The following GRIA4 variants were observed in gnomAD, a reference collection of about 807,000 sequenced individuals.
GRIA4 encodes glutamate receptor 4.
GRIA4 carries 34 observed loss-of-function variants against 104.0 expected under a neutral mutation model. That is an observed-to-expected ratio of 0.33 (90% CI 0.25 to 0.44). The LOEUF (loss-of-function observed/expected upper bound fraction) is 0.44, where lower values mean the gene tolerates loss of function less well. Ranked by LOEUF, GRIA4 falls within the 20% of genes least tolerant of loss-of-function variation. The probability of loss-of-function intolerance (pLI) is 1.00; values close to 1 mark genes in which losing one functional copy is unlikely to be tolerated. For synonymous variants in GRIA4, 386 were observed against 381.9 expected (o/e 1.01, Z -0.13); for missense variants, 750 against 1,096.5 (o/e 0.68, Z 4.46).
chr11:105,618,838 G>A (rs1381878821), intron 3 of GRIA4, among the ~76,000 whole-genome samples: 1 of 151,758 alleles, frequency 6.6e-6, no homozygotes, highest in African/African-American at 2.4e-5. Flanking sequence ...AATGTTTGAG[G>A]GGAAGAGAGA....
At chr11:105,852,381 A>G (rs1020570262) in intron 4 of GRIA4, among the ~76,000 whole-genome samples, 1 of 152,212 alleles carries the variant, frequency 6.6e-6, no homozygotes. Context: ...ATTTACAGCT[A>G]TAGAAAAGAT....
intron 3 of GRIA4, among the ~76,000 whole-genome samples, chr11:105,744,509 T>C (rs1939522424): frequency 6.6e-6 from 1 of 152,160 alleles, no homozygotes; most frequent in Admixed American, 6.5e-5. Flanking sequence ...ACTTGAAGTA[T>C]CATAGTAGTA....
In GRIA4 at chr11:105,911,735, CTAACT is replaced by C. The variant is rs539510696; in HGVS notation, c.1269+1194_1269+1198del. On this transcript the variant is annotated intron_variant, in intron 10 of 16. Transcript: ENST00000282499. The stretch of plus-strand genomic sequence containing the variant: ...CAACAGCAGTTTTTGCGTAAACTTT[CTAACT>C]TAATTGTGTAATATTTGCATGGGAC... 1.8e-3 allele frequency: 288 copies of C among 159,834 alleles called. 2 individuals are homozygous for C. The highest frequency in any genetic ancestry group is 0.014 in the Middle Eastern group (5 of 360). 9.9% of individuals were successfully genotyped at this position (159,834 alleles called of 1,614,324 possible). A position where few individuals can be genotyped will look rare whatever the true frequency, so the allele number is the denominator to read the frequency against.
Position 105,684,788 on chromosome 11 carries a change from C to T in GRIA4, c.248-68193C>T, listed in dbSNP as rs549313686. Among the ~76,000 whole-genome samples, 13 of 151,638 alleles carry T rather than the reference C, an allele frequency of 8.6e-5. No individual in the cohort carries two copies. The East Asian group carries it at 1.2e-3, about 14-fold the overall frequency. ...GAATTGTTAATACTGTTTAAATTGA[C>T]GTATCAGTATTTTTAATGCCCTAGA... is the stretch of plus-strand genomic sequence containing the variant. On this transcript the variant is annotated intron_variant, in intron 3 of 16. Transcript: ENST00000282499.
At chr11:105,923,416 C>T (rs550120860) in intron 11 of GRIA4, among the ~76,000 whole-genome samples, 10 of 152,152 alleles carry the variant, frequency 6.6e-5, no homozygotes, top group African/African-American at 1.9e-4. Flanking sequence ...ATGTGAATCT[C>T]CCTTCTCTGA....
At chr11:105,756,429 C>T (rs907334571) in intron 4 of GRIA4, among the ~76,000 whole-genome samples, 9 of 152,042 alleles carry the variant, frequency 5.9e-5, no homozygotes, top group African/African-American at 1.9e-4. Flanking sequence ...CACAAATGTA[C>T]CATTGATTTG....
intron 4 of GRIA4, among the ~76,000 whole-genome samples, chr11:105,805,677 T>G (rs1224350003): frequency 6.6e-6 from 1 of 151,906 alleles, no homozygotes; most frequent in Non-Finnish European, 1.5e-5. Context: ...TCCCTCTGGC[T>G]CTGGACTTTC....
intron 3 of GRIA4, among the ~76,000 whole-genome samples, chr11:105,712,517 G>C (rs1953946849): frequency 6.6e-6 from 1 of 151,898 alleles, no homozygotes; most frequent in African/African-American, 2.4e-5. Context: ...TAATGAAAAA[G>C]TTTCCCCAAA....
intron 4 of GRIA4, among the ~76,000 whole-genome samples, chr11:105,814,088 T>C (rs1004625758): frequency 6.6e-6 from 1 of 152,166 alleles, no homozygotes; most frequent in Non-Finnish European, 1.5e-5. Context: ...CTTGATGTGT[T>C]GCAAAATGAG....
chr11:105,667,299 G>T lies in GRIA4; in HGVS notation c.247+54865G>T, dbSNP rs989358092. On this transcript the variant is annotated intron_variant, in intron 3 of 16. Coordinates refer to ENST00000282499, the MANE Select transcript of GRIA4 (RefSeq NM_000829.4). Reference sequence around the variant, plus strand: ...ATAACTTACTATGGTGATAAACACAGTAAGAGATGATAACTAAAAAAGTTA... The same window carrying T: ...ATAACTTACTATGGTGATAAACACATTAAGAGATGATAACTAAAAAAGTTA... 7.2e-5 allele frequency among the ~76,000 whole-genome samples: 11 copies of T among 152,010 alleles called. No individual in the cohort carries two copies. The East Asian group carries it at 1.7e-3, about 24-fold the overall frequency.
chr11:105,753,148 C>A lies in GRIA4; in HGVS notation c.415C>A (p.Arg139=), dbSNP rs374264327. ...TGTGCTGCAACTAAGACCTTCGTTA[C>A]GAGGAGCACTCTTGAGTTTGCTGGA... The part of the protein sequence containing the change: ...QFVLQLRPSL[R]GALLSLLDHY... The change falls in exon 4 of 17, where the codon CGA becomes AGA. Residue 139 remains arginine (R), a synonymous_variant. Transcript: ENST00000282499. The A allele has an allele frequency of 2.5e-6, 4 of 1,613,614 alleles. No individual in the cohort carries two copies. In the South Asian group the frequency reaches 4.4e-5, roughly 18 times the overall value.
chr11:105,691,089 G>T (rs775714619), intron 3 of GRIA4, among the ~76,000 whole-genome samples: 2 of 152,090 alleles, frequency 1.3e-5, no homozygotes, highest in Non-Finnish European at 2.9e-5. Context: ...TTGTGTGCGT[G>T]CAAACATGTG....
intron 3 of GRIA4, among the ~76,000 whole-genome samples, chr11:105,724,942 G>A (rs988239879): frequency 2.0e-5 from 3 of 152,112 alleles, no homozygotes; most frequent in Non-Finnish European, 2.9e-5. Context: ...TTGTCTATAT[G>A]TTCAATTAAG....
rs1293961966 is a variant in GRIA4, at chr11:105,734,254, C to T, written c.248-18727C>T. 3.3e-5 allele frequency among the ~76,000 whole-genome samples: 5 copies of T among 151,886 alleles called. No individual in the cohort carries two copies. In the East Asian group the frequency reaches 9.7e-4, roughly 29 times the overall value. ...CCTTGGTAAATGGTAAACACAACAGCATTCAGCCAGTTGCTTTGCTAGAGA... is the reference window on the plus strand; with the variant it reads ...CCTTGGTAAATGGTAAACACAACAGTATTCAGCCAGTTGCTTTGCTAGAGA... On this transcript the variant is annotated intron_variant, in intron 3 of 16. Transcript: ENST00000282499.
chr11:105,940,827 A>T (rs1481282510), intron 14 of GRIA4, among the ~76,000 whole-genome samples: 4 of 151,844 alleles, frequency 2.6e-5, no homozygotes, highest in Non-Finnish European at 4.4e-5. Context: ...CATTTAATTT[A>T]AAAAAAAGAT....
At chr11:105,828,849 A>C (rs915099035) in intron 4 of GRIA4, among the ~76,000 whole-genome samples, 30 of 151,954 alleles carry the variant, frequency 2.0e-4, no homozygotes, top group Non-Finnish European at 2.9e-4. Flanking sequence ...GGGTGTCCCA[A>C]GATATAACTT....
At chr11:105,960,162 G>T (rs554410789) in intron 14 of GRIA4, among the ~76,000 whole-genome samples, 1 of 152,218 alleles carries the variant, frequency 6.6e-6, no homozygotes, top group South Asian at 2.1e-4. Context: ...GTGTTTTGCT[G>T]GGGGGAGACC....
At chr11:105,832,709 GA>G (rs754790227) in intron 4 of GRIA4, among the ~76,000 whole-genome samples, 129 of 152,010 alleles carry the variant, frequency 8.5e-4, no homozygotes, top group Non-Finnish European at 1.5e-3. Context: ...TCTAAATTAG[GA>G]GTTTTCTGTC....
intron 3 of GRIA4, among the ~76,000 whole-genome samples, chr11:105,679,345 C>A (rs1952638424): frequency 2.0e-5 from 3 of 152,022 alleles, no homozygotes; most frequent in Non-Finnish European, 2.9e-5. Flanking sequence ...AATATTTGAC[C>A]AAATATCTGG....
Sources: allele counts gnomAD v4.1 joint callset (sites outside exome capture counted in the v4.1 genomes callset), GRCh38; gene constraint gnomAD v4.1.1; transcripts MANE v1.5; gene names NCBI Gene and HGNC (gene_info 2026-07-23, HGNC 2026-07-21).